Variants in SEM1 observed in about 807,000 individuals in gnomAD.
SEM1 encodes the protein SEM1 26S proteasome subunit, also known as 26S proteasome complex subunit SEM1.
Under a neutral mutation model 12.7 loss-of-function variants are expected in SEM1, and 3 were observed. The observed-to-expected ratio is 0.24, with a 90% CI of 0.11 to 0.61. The LOEUF is 0.61. SEM1 is among the 20% of genes least tolerant of loss of function. The pLI is 0.88. For synonymous variants in SEM1, 30 were observed against 27.8 expected (o/e 1.08, Z -0.25); for missense variants, 59 against 81.3 (o/e 0.73, Z 1.06).
At chr7:96,484,928 G>GT in intron 2 of SEM1, 3 of 895,962 alleles carry the variant, frequency 3.3e-6, no homozygotes, top group Non-Finnish European at 4.7e-6. Context: ...GGTGGAAATG[G>GT]GAACACCATA....
downstream of SEM1, among the ~76,000 whole-genome samples, chr7:96,671,891 T>C (rs953715331): frequency 1.3e-5 from 2 of 152,214 alleles, no homozygotes; most frequent in African/African-American, 4.8e-5. Context: ...TAAACAGTAA[T>C]TGGGGAAACC....
intron 2 of SEM1, among the ~76,000 whole-genome samples, chr7:96,571,155 G>A (rs1162271978): frequency 1.3e-5 from 2 of 151,992 alleles, no homozygotes; most frequent in African/African-American, 2.4e-5. Context: ...TCTGTAGGCT[G>A]CCTTTTCACT....
At chr7:96,556,538 T>C (rs1297669517) in intron 2 of SEM1, among the ~76,000 whole-genome samples, 2 of 152,216 alleles carry the variant, frequency 1.3e-5, no homozygotes, top group Admixed American at 6.5e-5. Context: ...TTCTGTCTTC[T>C]AGGGTTTCTG....
chr7:96,562,796 G>A (rs1293552655), intron 2 of SEM1, among the ~76,000 whole-genome samples: 1 of 152,168 alleles, frequency 6.6e-6, no homozygotes, highest in Non-Finnish European at 1.5e-5. Flanking sequence ...ATAGGTAGGA[G>A]CCAGACCAGG....
chr7:96,522,731 C>G (rs928116377), intron 2 of SEM1, among the ~76,000 whole-genome samples: 1 of 110,362 alleles, frequency 9.1e-6, no homozygotes, highest in African/African-American at 2.9e-5. Context: ...TACCCCCCCC[C>G]CAAAAAAAAA....
At chr7:96,623,976 T>G (rs1349141846) in intron 2 of SEM1, among the ~76,000 whole-genome samples, 1 of 152,138 alleles carries the variant, frequency 6.6e-6, no homozygotes, top group East Asian at 1.9e-4. Flanking sequence ...ACAAGGATGC[T>G]TATCCTTGGA....
At chr7:96,524,385 A>G (rs1263901737) in intron 2 of SEM1, among the ~76,000 whole-genome samples, 5 of 152,156 alleles carry the variant, frequency 3.3e-5, no homozygotes, top group African/African-American at 1.2e-4. Flanking sequence ...ATGTACAGCT[A>G]TTGCACACTA....
At chr7:96,605,309 T>C in intron 2 of SEM1, among the ~76,000 whole-genome samples, 1 of 152,138 alleles carries the variant, frequency 6.6e-6, no homozygotes, top group Non-Finnish European at 1.5e-5. Flanking sequence ...AACTATGGTG[T>C]CTTGAATTTT....
intron 2 of SEM1, among the ~76,000 whole-genome samples, chr7:96,588,933 A>G (rs1260627607): frequency 6.6e-6 from 1 of 152,248 alleles, no homozygotes; most frequent in African/African-American, 2.4e-5. Flanking sequence ...AAATTGGCTT[A>G]TAGTATAAAA....
intron 2 of SEM1, among the ~76,000 whole-genome samples, chr7:96,577,448 A>T (rs1806243924): frequency 1.3e-5 from 2 of 152,026 alleles, no homozygotes. Context: ...TTATAAAATT[A>T]TTTATAATTC....
intron 2 of SEM1, among the ~76,000 whole-genome samples, chr7:96,677,959 A>C (rs944434321): frequency 6.6e-6 from 1 of 152,164 alleles, no homozygotes; most frequent in African/African-American, 2.4e-5. Flanking sequence ...TCATCACATA[A>C]AGCACACATA....
intron 2 of SEM1, among the ~76,000 whole-genome samples, chr7:96,604,281 T>C (rs1172103133): frequency 1.3e-5 from 2 of 152,150 alleles, no homozygotes; most frequent in African/African-American, 4.8e-5. Context: ...CATGAGACTT[T>C]TTGTATGGAA....
chr7:96,584,755 C>T (rs1231032326), intron 2 of SEM1, among the ~76,000 whole-genome samples: 13 of 152,080 alleles, frequency 8.5e-5, no homozygotes, highest in Admixed American at 6.5e-4. Flanking sequence ...TCCAGTTGAC[C>T]GCATTGGCTC....
chr7:96,570,094 C>G (rs1445786293), intron 2 of SEM1, among the ~76,000 whole-genome samples: 1 of 151,474 alleles, frequency 6.6e-6, no homozygotes, highest in Non-Finnish European at 1.5e-5. Context: ...CTTTGAGAAA[C>G]CTTCATACTA....
At position 96,640,677 on chromosome 7, in the gene SEM1, C is replaced by T. The variant is rs1808563321; in HGVS notation, c.171-18034G>A. On this transcript the variant is annotated intron_variant, in intron 2 of 2. Coordinates refer to the SEM1 transcript ENST00000417009. This position sits in a 1 kb window ranked among gnomAD's most constrained non-coding sequence, Gnocchi z 4.0. ...ATGTCATTATACATCTCCAAACTCA[C>T]GGAATGTAGGGCACCAGGAGTGAAC... Among the ~76,000 whole-genome samples, 3 of 151,842 alleles carry T rather than the reference C, an allele frequency of 2.0e-5. No homozygotes were observed. The highest frequency in any genetic ancestry group is 2.0e-4 in the Admixed American group (3 of 15,198).
intron 2 of SEM1, among the ~76,000 whole-genome samples, chr7:96,543,311 G>T (rs1237436813): frequency 6.6e-6 from 1 of 151,862 alleles, no homozygotes; most frequent in Non-Finnish European, 1.5e-5. Flanking sequence ...ATATGTATAG[G>T]TTATATGCAA....
At chr7:96,591,345 A>G (rs1806823098) in intron 2 of SEM1, among the ~76,000 whole-genome samples, 1 of 152,208 alleles carries the variant, frequency 6.6e-6, no homozygotes, top group Admixed American at 6.5e-5. Flanking sequence ...AAAACAACGA[A>G]CTGTCAACCA....
intron 2 of SEM1, among the ~76,000 whole-genome samples, chr7:96,509,513 A>G (rs1217530518): frequency 6.6e-6 from 1 of 152,174 alleles, no homozygotes; most frequent in Non-Finnish European, 1.5e-5. Context: ...CAAACTCTAC[A>G]GCTTGTGCTT....
At chr7:96,618,470 T>C (rs1305574286), downstream of SEM1, among the ~76,000 whole-genome samples, 1 of 152,224 alleles carries the variant, frequency 6.6e-6, no homozygotes, top group Non-Finnish European at 1.5e-5. Flanking sequence ...TTTTTTGAAA[T>C]AGAGTTTATA....
Sources: allele counts gnomAD v4.1 joint callset (sites outside exome capture counted in the v4.1 genomes callset), GRCh38; gene constraint gnomAD v4.1.1; non-coding constraint Gnocchi (gnomAD v3.1); transcripts MANE v1.5; gene names NCBI Gene and HGNC (gene_info 2026-07-23, HGNC 2026-07-21).